SGCZ: variants seen among roughly 807,000 people sequenced by gnomAD.
The protein encoded by SGCZ is sarcoglycan zeta, also known as zeta-sarcoglycan.
A neutral mutation model predicts 41.3 loss-of-function variants in SGCZ; 40 were observed. The ratio of observed to expected loss-of-function variants is 0.97; its 90% CI spans 0.75 to 1.26. The LOEUF (loss-of-function observed/expected upper bound fraction) is 1.26, where lower values mean the gene tolerates loss of function less well. SGCZ is among the 50% of genes most tolerant of loss of function. The pLI is 0.00. For synonymous variants in SGCZ, 206 were observed against 137.5 expected, an observed-to-expected ratio of 1.50 and a Z score of -3.49; for missense variants, 552 against 369.8, an observed-to-expected ratio of 1.49 and a Z score of -4.04.
chr8:15,173,344 C>T (rs980719586), intron 1 of SGCZ, among the ~76,000 whole-genome samples: 3 of 152,126 alleles, frequency 2.0e-5, no homozygotes, highest in African/African-American at 7.2e-5. Flanking sequence ...ACTGGAGCAA[C>T]GTTTAACTTA....
intron 1 of SGCZ, among the ~76,000 whole-genome samples, chr8:14,594,718 C>T (rs557140213): frequency 2.6e-4 from 39 of 151,898 alleles, no homozygotes; most frequent in East Asian, 1.9e-4. Flanking sequence ...ACTGTCTGTG[C>T]GTTGGGGGTG....
intron 5 of SGCZ, among the ~76,000 whole-genome samples, chr8:14,150,842 A>G (rs1177119134): frequency 1.3e-5 from 2 of 152,204 alleles, no homozygotes; most frequent in Non-Finnish European, 2.9e-5. Context: ...CTGTTTTGCC[A>G]TAAAAAAGAA....
intron 1 of SGCZ, among the ~76,000 whole-genome samples, chr8:15,226,082 A>T (rs576481747): frequency 6.6e-6 from 1 of 152,342 alleles, no homozygotes; most frequent in South Asian, 2.1e-4. Flanking sequence ...TCTAAGCAAC[A>T]TATTTACAGG....
chr8:14,778,779 A>G (rs1800492175), intron 1 of SGCZ, among the ~76,000 whole-genome samples: 1 of 152,210 alleles, frequency 6.6e-6, no homozygotes, highest in Non-Finnish European at 1.5e-5. Context: ...AGTGAGATAT[A>G]ATTTATGCAC....
At chr8:14,832,438 G>C (rs1204108298) in intron 1 of SGCZ, among the ~76,000 whole-genome samples, 1 of 152,096 alleles carries the variant, frequency 6.6e-6, no homozygotes, top group Admixed American at 6.6e-5. Flanking sequence ...AGGTTGGTTA[G>C]AAATAAAATG....
chr8:15,029,704 C>T (rs1260304346), intron 1 of SGCZ, among the ~76,000 whole-genome samples: 1 of 152,040 alleles, frequency 6.6e-6, no homozygotes, highest in Non-Finnish European at 1.5e-5. Context: ...AATGCTGAAT[C>T]CCATTTTTGT....
intron 2 of SGCZ, among the ~76,000 whole-genome samples, chr8:14,420,114 GTTAAACTGCAT>G (rs1454850708): frequency 1.3e-5 from 2 of 151,950 alleles, no homozygotes; most frequent in Non-Finnish European, 2.9e-5. Flanking sequence ...AATCCAGCCT[GTTAAACTGCAT>G]TGAAGGGCTT....
intron 1 of SGCZ, among the ~76,000 whole-genome samples, chr8:15,203,547 A>C (rs1800964289): frequency 6.6e-6 from 1 of 152,226 alleles, no homozygotes; most frequent in South Asian, 2.1e-4. Flanking sequence ...AGCACAGGCT[A>C]CTTAAAACCT....
At chr8:14,739,980 G>A (rs1458810269) in intron 1 of SGCZ, among the ~76,000 whole-genome samples, 1 of 151,954 alleles carries the variant, frequency 6.6e-6, no homozygotes, top group African/African-American at 2.4e-5. Context: ...GGTCTCCCTA[G>A]CTCCTTTTGC....
In SGCZ at chr8:14,088,522, C is replaced by T. The variant is rs1204949488; in HGVS notation, c.*1921G>A. Reference sequence around the variant, plus strand: ...GTATTATACTTTATTTTGCAAAGACCAATGTGAGATTTCTTATATTAAATT... The same window carrying T: ...GTATTATACTTTATTTTGCAAAGACTAATGTGAGATTTCTTATATTAAATT... On this transcript the variant is annotated 3_prime_UTR_variant, in exon 8 of 8. Transcript: ENST00000382080. Among the ~76,000 whole-genome samples the T allele has an allele frequency of 6.6e-6, 1 of 151,572 alleles. No homozygotes were observed. Among genetic ancestry groups the T allele is most frequent in the African/African-American group, 2.4e-5 (1 of 41,332 alleles).
chr8:14,474,598 C>T (rs191319384), intron 2 of SGCZ, among the ~76,000 whole-genome samples: 1 of 152,194 alleles, frequency 6.6e-6, no homozygotes, highest in Non-Finnish European at 1.5e-5. Flanking sequence ...TACTAGGTAG[C>T]CCTGTATAAA....
chr8:14,348,242 C>T lies in SGCZ; in HGVS notation c.235-24038G>A, dbSNP rs1802959754. 2.6e-5 allele frequency among the ~76,000 whole-genome samples: 4 copies of T among 152,086 alleles called. No individual in the cohort carries two copies. The South Asian group carries it at 6.2e-4, about 24-fold the overall frequency. Reference sequence around the variant, plus strand: ...CCTGCATGTTTCCCATACCAAGATTCCCCTTTTAAATCTCTCCACTCACAC... The same window carrying T: ...CCTGCATGTTTCCCATACCAAGATTTCCCTTTTAAATCTCTCCACTCACAC... On this transcript the variant is annotated intron_variant, in intron 2 of 7. Transcript: ENST00000382080.
At chr8:14,858,647 C>T (rs201308059) in intron 1 of SGCZ, among the ~76,000 whole-genome samples, 8 of 152,114 alleles carry the variant, frequency 5.3e-5, no homozygotes, top group East Asian at 3.9e-4. Flanking sequence ...ACCTTTCCTA[C>T]GTGGTTGCAT....
At chr8:14,509,359 CT>C (rs1363013531) in intron 2 of SGCZ, among the ~76,000 whole-genome samples, 1 of 152,088 alleles carries the variant, frequency 6.6e-6, no homozygotes, top group Non-Finnish European at 1.5e-5. Context: ...CCATTTGCAA[CT>C]TAAATGCAAA....
chr8:14,853,996 C>T (rs867420947), intron 1 of SGCZ, among the ~76,000 whole-genome samples: 9 of 128,800 alleles, frequency 7.0e-5, no homozygotes, highest in South Asian at 5.1e-4. Context: ...CATTTTGTAA[C>T]GACATCAGTT....
At chr8:14,674,996 T>C (rs920961997) in intron 1 of SGCZ, among the ~76,000 whole-genome samples, 6 of 130,294 alleles carry the variant, frequency 4.6e-5, no homozygotes, top group Non-Finnish European at 7.7e-5. Flanking sequence ...TGAAGTACAG[T>C]GGCGTGAACC....
chr8:14,138,514 A>C (rs1237072181), intron 5 of SGCZ, among the ~76,000 whole-genome samples: 1 of 96,008 alleles, frequency 1.0e-5, no homozygotes, highest in Non-Finnish European at 1.9e-5. Flanking sequence ...AGGGAAAACA[A>C]AAAAAAAAAA....
chr8:14,332,476 T>A (rs928519926), intron 2 of SGCZ: 1 of 151,888 alleles, frequency 6.6e-6, no homozygotes, highest in African/African-American at 2.4e-5. Flanking sequence ...AAAATAAAAA[T>A]ATGTTAATTT....
intron 2 of SGCZ, among the ~76,000 whole-genome samples, chr8:14,443,647 T>C (rs1336235997): frequency 1.3e-5 from 2 of 152,166 alleles, no homozygotes; most frequent in Non-Finnish European, 2.9e-5. Context: ...TTACACCTTA[T>C]ATAAAAATTA....
Sources: gnomAD v4.1 joint callset for allele counts (sites outside exome capture counted in the v4.1 genomes callset) on GRCh38, gnomAD v4.1.1 for gene constraint, MANE v1.5 for transcripts, NCBI Gene and HGNC (gene_info 2026-07-23, HGNC 2026-07-21) for gene names.